Variants in FHIT observed in about 807,000 individuals in gnomAD.
FHIT encodes the protein fragile histidine triad diadenosine triphosphatase, also known as bis(5'-adenosyl)-triphosphatase.
Under a neutral mutation model 17.9 loss-of-function variants are expected in FHIT, and 19 were observed. The observed-to-expected ratio is 1.06, with a 90% CI of 0.74 to 1.56. The LOEUF (loss-of-function observed/expected upper bound fraction) is 1.56. Among genes scored for constraint, FHIT ranks in the 40% most tolerant of loss-of-function variants. The probability of loss-of-function intolerance (pLI) is 0.00; values close to 1 mark genes in which losing one functional copy is unlikely to be tolerated. For synonymous variants in FHIT, 81 were observed against 69.7 expected, an observed-to-expected ratio of 1.16 and a Z score of -0.81; for missense variants, 248 against 189.2, an observed-to-expected ratio of 1.31 and a Z score of -1.82.
chr3:60,223,793 T>C (rs768076797), intron 5 of FHIT, among the ~76,000 whole-genome samples: 4 of 152,294 alleles, frequency 2.6e-5, no homozygotes, highest in Non-Finnish European at 4.4e-5. Context: ...AATAGGACCC[T>C]GGGTTTTTCT....
intron 5 of FHIT, among the ~76,000 whole-genome samples, chr3:60,105,552 T>C (rs1704372481): frequency 6.6e-6 from 1 of 152,186 alleles, no homozygotes; most frequent in African/African-American, 2.4e-5. Context: ...GGGTGAAACA[T>C]ATAAGAATAT....
chr3:60,650,737 T>A (rs1257613790), intron 4 of FHIT, among the ~76,000 whole-genome samples: 7 of 152,188 alleles, frequency 4.6e-5, no homozygotes, highest in Admixed American at 2.0e-4. Flanking sequence ...ACTACGCGGG[T>A]CATTTGGTGA....
chr3:60,206,512 G>GA (rs1308810202), intron 5 of FHIT, among the ~76,000 whole-genome samples: 3 of 151,482 alleles, frequency 2.0e-5, no homozygotes, highest in South Asian at 2.1e-4. Flanking sequence ...TAACATGCCA[G>GA]AAAAAAAACA....
At chr3:60,938,939 G>A (rs782380500) in intron 3 of FHIT, among the ~76,000 whole-genome samples, 1 of 152,058 alleles carries the variant, frequency 6.6e-6, no homozygotes, top group Non-Finnish European at 1.5e-5. Context: ...ATGAACATAC[G>A]GAAAAGGGTA....
intron 5 of FHIT, among the ~76,000 whole-genome samples, chr3:60,166,648 G>A (rs1165284567): frequency 2.6e-5 from 4 of 152,106 alleles, no homozygotes; most frequent in African/African-American, 9.7e-5. Flanking sequence ...CCAGAACTTG[G>A]ACCCTATGAC....
chr3:60,225,552 A>T (rs563031163), intron 5 of FHIT, among the ~76,000 whole-genome samples: 1 of 152,328 alleles, frequency 6.6e-6, no homozygotes, highest in East Asian at 1.9e-4. Flanking sequence ...GACAGGGCAG[A>T]TACAAGACAG....
intron 4 of FHIT, among the ~76,000 whole-genome samples, chr3:60,741,549 T>C (rs1283129831): frequency 6.6e-6 from 1 of 152,264 alleles, no homozygotes; most frequent in South Asian, 2.1e-4. Flanking sequence ...CGGACTCAAC[T>C]GATAATACAC....
chr3:60,266,432 T>C (rs1576392563), intron 5 of FHIT, among the ~76,000 whole-genome samples: 1 of 152,082 alleles, frequency 6.6e-6, no homozygotes, highest in Non-Finnish European at 1.5e-5. Flanking sequence ...CTAATGCATC[T>C]GGGGTTTCTT....
At chr3:60,986,556 C>G (rs974146680) in intron 3 of FHIT, among the ~76,000 whole-genome samples, 1 of 152,168 alleles carries the variant, frequency 6.6e-6, no homozygotes, top group African/African-American at 2.4e-5. Flanking sequence ...AACAGTAAAT[C>G]TTTCTACCTA....
intron 5 of FHIT, among the ~76,000 whole-genome samples, chr3:60,029,915 G>GTGTGTGTGTGTC (rs1395107169): frequency 8.1e-5 from 12 of 147,240 alleles, no homozygotes; most frequent in Non-Finnish European, 1.7e-4. Flanking sequence ...GTGTGTGTGT[G>GTGTGTGTGTGTC]TGTGTGTGTG....
In FHIT at chr3:60,784,967, G is replaced by GCCTCCAGCATAA. The variant is rs1553726490; in HGVS notation, c.-18+36951_-18+36952insTTATGCTGGAGG. ...TCACAGCCTCCAGCATTGTGAGACA[G>GCCTCCAGCATAA]ACATTTCTGTTGTTTATGAGCCACC... On this transcript the variant is annotated intron_variant, in intron 4 of 9. Coordinates refer to ENST00000492590, the MANE Select transcript of FHIT (RefSeq NM_002012.4). 1.2e-3 allele frequency among the ~76,000 whole-genome samples: 186 copies of GCCTCCAGCATAA among 152,292 alleles called. 1 individual carries two copies. The highest frequency in any genetic ancestry group is 1.9e-3 in the Non-Finnish European group (126 of 68,030).
At chr3:59,844,698 A>T (rs1701654466) in intron 8 of FHIT, among the ~76,000 whole-genome samples, 1 of 152,106 alleles carries the variant, frequency 6.6e-6, no homozygotes, top group Non-Finnish European at 1.5e-5. Context: ...TAATTCTTTT[A>T]ATATACCGGT....
chr3:60,819,048 T>G (rs1258285294), intron 4 of FHIT, among the ~76,000 whole-genome samples: 1 of 146,166 alleles, frequency 6.8e-6, no homozygotes, highest in Admixed American at 6.9e-5. Context: ...CTTTTTTTTT[T>G]TTTTGTTTTT....
rs1404321876 is a variant in FHIT, at chr3:60,027,136, C to CAAA, written c.104-12985_104-12984insTTT. ...ACACACACACACACACACACACACA[C>CAAA]ACACACACACACAAAATTAGTAAAC... On this transcript the variant is annotated intron_variant, in intron 5 of 9. Transcript: ENST00000492590. 7.7e-4 allele frequency among the ~76,000 whole-genome samples: 91 copies of CAAA among 118,622 alleles called. 3 individuals are homozygous for CAAA. Among genetic ancestry groups the CAAA allele is most frequent in the East Asian group, 2.1e-3 (9 of 4,310 alleles). The allele number at this position is 118,622 out of a possible 152,430, so 77.8% of individuals were successfully genotyped here. A position where few individuals can be genotyped will look rare whatever the true frequency, so the allele number is the denominator to read the frequency against.
intron 5 of FHIT, among the ~76,000 whole-genome samples, chr3:60,510,873 A>G (rs954430289): frequency 1.3e-5 from 2 of 152,230 alleles, no homozygotes; most frequent in African/African-American, 2.4e-5. Flanking sequence ...ATAATGTAGT[A>G]TATGTTGTAA....
At chr3:59,812,973 C>T (rs1700459715) in intron 8 of FHIT, among the ~76,000 whole-genome samples, 1 of 152,030 alleles carries the variant, frequency 6.6e-6, no homozygotes, top group Admixed American at 6.6e-5. Context: ...GGGAAAATTC[C>T]GTGCCCCTGG....
chr3:60,882,422 A>G (rs574593757), intron 3 of FHIT, among the ~76,000 whole-genome samples: 4 of 152,186 alleles, frequency 2.6e-5, no homozygotes, highest in Non-Finnish European at 4.4e-5. Flanking sequence ...AGGACACAAC[A>G]AAAAAAGGCC....
At chr3:60,176,306 C>A (rs1454771974) in intron 5 of FHIT, among the ~76,000 whole-genome samples, 1 of 152,072 alleles carries the variant, frequency 6.6e-6, no homozygotes, top group South Asian at 2.1e-4. Context: ...GAGCTGAGCT[C>A]GTACCACTGC....
chr3:60,041,604 G>T (rs960694590), intron 5 of FHIT, among the ~76,000 whole-genome samples: 22 of 152,090 alleles, frequency 1.4e-4, no homozygotes, highest in African/African-American at 5.3e-4. Context: ...TTAGTCTATG[G>T]GACCCCACTT....
Sources: gnomAD v4.1 joint callset for allele counts (sites outside exome capture counted in the v4.1 genomes callset) on GRCh38, gnomAD v4.1.1 for gene constraint, MANE v1.5 for transcripts, NCBI Gene and HGNC (gene_info 2026-07-23, HGNC 2026-07-21) for gene names.